CELF4: variants seen among roughly 807,000 people sequenced by gnomAD.
CELF4 encodes the protein CUGBP Elav-like family member 4.
Under a neutral mutation model 59.9 loss-of-function variants are expected in CELF4, and 18 were observed. The observed-to-expected ratio is 0.30, with a 90% CI of 0.21 to 0.45. CELF4 has a LOEUF of 0.45. Among genes scored for constraint, CELF4 ranks in the 20% least tolerant of loss-of-function variants. The pLI is 1.00. For synonymous variants in CELF4, 261 were observed against 267.1 expected (o/e 0.98, Z 0.22); for missense variants, 456 against 689.0 (o/e 0.66, Z 3.79).
At chr18:37,364,521 T>C (rs2098751191) in intron 2 of CELF4, among the ~76,000 whole-genome samples, 1 of 152,074 alleles carries the variant, frequency 6.6e-6, no homozygotes, top group Non-Finnish European at 1.5e-5. Flanking sequence ...CAGGCTGTGG[T>C]CTAGAGGCAT....
Position 37,408,748 on chromosome 18 carries a change from G to A in CELF4, c.369+76777C>T, listed in dbSNP as rs568873033. On this transcript the variant is annotated intron_variant, in intron 2 of 12. Transcript: ENST00000420428. ...TGGATTCAGGCTGGGGACACCCGGCGCACCCTCCCCCGAACACGGGCTTCT... is the reference window on the plus strand; with the variant it reads ...TGGATTCAGGCTGGGGACACCCGGCACACCCTCCCCCGAACACGGGCTTCT... Among the ~76,000 whole-genome samples the A allele has an allele frequency of 9.9e-5, 15 of 152,246 alleles. No individual in the cohort carries two copies. In the East Asian group the frequency reaches 1.9e-3, roughly 20 times the overall value.
At position 37,461,430 on chromosome 18, in the gene CELF4, G is replaced by C. The variant is rs143675587; in HGVS notation, c.369+24095C>G. Reference sequence around the variant, plus strand: ...AGCAAGAAGTGCTGAGCAGAAGAGGGAAAAGCCCCTTATAAAACCATCAGA... The same window carrying C: ...AGCAAGAAGTGCTGAGCAGAAGAGGCAAAAGCCCCTTATAAAACCATCAGA... On this transcript the variant is annotated intron_variant, in intron 2 of 12. Coordinates refer to ENST00000420428, the MANE Select transcript of CELF4 (RefSeq NM_020180.4). Among the ~76,000 whole-genome samples the C allele has an allele frequency of 4.4e-3, 667 of 152,268 alleles. 5 individuals are homozygous for C. Among genetic ancestry groups the C allele is most frequent in the African/African-American group, 0.015 (639 of 41,542 alleles).
chr18:37,377,336 A>G (rs1005811961), intron 2 of CELF4, among the ~76,000 whole-genome samples: 2 of 152,162 alleles, frequency 1.3e-5, no homozygotes, highest in Non-Finnish European at 2.9e-5. Flanking sequence ...GTGGAGTCCA[A>G]CCCTGGCTGC....
chr18:37,548,150 G>A (rs1316372828), intron 1 of CELF4, among the ~76,000 whole-genome samples: 1 of 152,148 alleles, frequency 6.6e-6, no homozygotes, highest in Non-Finnish European at 1.5e-5. Flanking sequence ...CTGTGTGTGT[G>A]TGTGTGTTTT....
At chr18:37,348,464 C>T (rs556164016) in intron 2 of CELF4, among the ~76,000 whole-genome samples, 50 of 152,160 alleles carry the variant, frequency 3.3e-4, no homozygotes, top group African/African-American at 1.0e-3. Context: ...CTTCCGGGCA[C>T]GGACCATCTG....
intron 2 of CELF4, among the ~76,000 whole-genome samples, chr18:37,471,747 T>C (rs2099833283): frequency 6.6e-6 from 1 of 152,188 alleles, no homozygotes; most frequent in South Asian, 2.1e-4. Context: ...TCTTGCCCTC[T>C]ACTCACTTCC....
chr18:37,413,558 C>T (rs936907352), intron 2 of CELF4, among the ~76,000 whole-genome samples: 10 of 152,170 alleles, frequency 6.6e-5, no homozygotes, highest in Non-Finnish European at 1.2e-4. Flanking sequence ...TTTTGGGCAT[C>T]GCCTGTTCTA....
intron 1 of CELF4, among the ~76,000 whole-genome samples, chr18:37,542,348 ACTT>A (rs2099978412): frequency 6.6e-6 from 1 of 152,200 alleles, no homozygotes; most frequent in Non-Finnish European, 1.5e-5. Context: ...CACCCACTGA[ACTT>A]CACGAGCTGG....
At chr18:37,431,242 C>T (rs192532705) in intron 2 of CELF4, among the ~76,000 whole-genome samples, 24 of 152,208 alleles carry the variant, frequency 1.6e-4, no homozygotes, top group African/African-American at 5.5e-4. Flanking sequence ...GTCATTATGC[C>T]GAAAACAATT....
chr18:37,489,778 G>C (rs2099894541), intron 1 of CELF4, among the ~76,000 whole-genome samples: 1 of 152,224 alleles, frequency 6.6e-6, no homozygotes, highest in Non-Finnish European at 1.5e-5. Context: ...AACAACACAA[G>C]ACAGTGTGGG....
At chr18:37,293,691 C>T (rs1472257805) in intron 3 of CELF4, among the ~76,000 whole-genome samples, 1 of 152,168 alleles carries the variant, frequency 6.6e-6, no homozygotes, top group Admixed American at 6.5e-5. Context: ...GGTGCAATGA[C>T]TTCCAGGTGA....
At chr18:37,280,067 C>T (rs772679998) in intron 3 of CELF4, among the ~76,000 whole-genome samples, 9 of 152,190 alleles carry the variant, frequency 5.9e-5, no homozygotes, top group Non-Finnish European at 1.0e-4. Context: ...ATCCCAGCCC[C>T]GCTTGGACCC....
At chr18:37,283,642 A>T (rs2094407089) in intron 3 of CELF4, among the ~76,000 whole-genome samples, 1 of 152,074 alleles carries the variant, frequency 6.6e-6, no homozygotes, top group Admixed American at 6.5e-5. Context: ...AGGGACAAGG[A>T]GCTGACCTTC....
chr18:37,289,378 G>T (rs577527316), intron 3 of CELF4, among the ~76,000 whole-genome samples: 26 of 152,144 alleles, frequency 1.7e-4, no homozygotes, highest in Non-Finnish European at 3.1e-4. Flanking sequence ...CAGCTCAAGT[G>T]CTCCAGAATT....
In CELF4 at chr18:37,382,893, C is replaced by A. The variant is rs181341739; in HGVS notation, c.370-61012G>T. 7.9e-5 allele frequency among the ~76,000 whole-genome samples: 12 copies of A among 152,218 alleles called. No homozygotes were observed. The East Asian group carries it at 2.3e-3, about 29-fold the overall frequency. ...GAAATGTAAGCGCCCTGACCCTGAC[C>A]CTGGATAGAGTGTGGCCCACTCCTA... On this transcript the variant is annotated intron_variant, in intron 2 of 12. Coordinates refer to ENST00000420428, the MANE Select transcript of CELF4 (RefSeq NM_020180.4).
intron 2 of CELF4, among the ~76,000 whole-genome samples, chr18:37,392,403 T>G (rs2099172349): frequency 6.6e-6 from 1 of 152,108 alleles, no homozygotes; most frequent in Non-Finnish European, 1.5e-5. Flanking sequence ...GCACAGCTTG[T>G]GAAAGAAGAT....
intron 2 of CELF4, among the ~76,000 whole-genome samples, chr18:37,362,216 C>T (rs2098714468): frequency 6.6e-6 from 1 of 152,166 alleles, no homozygotes; most frequent in Non-Finnish European, 1.5e-5. Flanking sequence ...CCCAGGTGCC[C>T]TAACCAGTAA....
At chr18:37,266,345 G>A (rs2077520050) in intron 9 of CELF4, 188 bp downstream of exon 9, 1 of 651,798 alleles carries the variant, frequency 1.5e-6, no homozygotes, top group Non-Finnish European at 2.7e-6. Flanking sequence ...CCACTGCAGG[G>A]GCACTCTCGG....
rs954437734 is a variant in CELF4, at chr18:37,244,607, A to AT, written c.*634dup. On this transcript the variant is annotated 3_prime_UTR_variant, in exon 13 of 13. Transcript: ENST00000420428. The stretch of plus-strand genomic sequence containing the variant: ...TGTTTTTTTTTTAATTTTTTATTAC[A>AT]TTTTTTCATAGAATCGCTCTAAGCT... 1 of 148,978 alleles carries AT rather than the reference A, an allele frequency of 6.7e-6. No homozygotes were observed. Among genetic ancestry groups the AT allele is most frequent in the Non-Finnish European group, 1.5e-5 (1 of 66,934 alleles). The allele number at this position is 148,978 out of a possible 1,614,324, so 9.2% of individuals were successfully genotyped here. A position where few individuals can be genotyped will look rare whatever the true frequency, so the allele number is the denominator to read the frequency against.
Sources: gnomAD v4.1 joint callset for allele counts (sites outside exome capture counted in the v4.1 genomes callset) on GRCh38, gnomAD v4.1.1 for gene constraint, MANE v1.5 for transcripts, NCBI Gene and HGNC (gene_info 2026-07-23, HGNC 2026-07-21) for gene names.